Variants in PIK3C2G observed in about 807,000 individuals in gnomAD.
PIK3C2G encodes the protein phosphatidylinositol-4-phosphate 3-kinase catalytic subunit type 2 gamma.
Under a neutral mutation model 181.1 loss-of-function variants are expected in PIK3C2G, and 168 were observed. That is an observed-to-expected ratio of 0.93 (90% confidence interval 0.82 to 1.05). The LOEUF (loss-of-function observed/expected upper bound fraction) is 1.05. Ranked by LOEUF, PIK3C2G falls within the 50% of genes least tolerant of loss-of-function variation. The probability of loss-of-function intolerance (pLI) is 0.00; values close to 1 mark genes in which losing one functional copy is unlikely to be tolerated. For synonymous variants in PIK3C2G, 573 were observed against 592.2 expected, an observed-to-expected ratio of 0.97 and a Z score of 0.47; for missense variants, 1,869 against 1,732.8, an observed-to-expected ratio of 1.08 and a Z score of -1.40.
At chr12:18,308,704 T>C (rs1019097067) in intron 5 of PIK3C2G, among the ~76,000 whole-genome samples, 7 of 151,680 alleles carry the variant, frequency 4.6e-5, no homozygotes, top group African/African-American at 1.7e-4. Context: ...CAAAAAGAAT[T>C]TGTGTGGACT....
intron 8 of PIK3C2G, among the ~76,000 whole-genome samples, chr12:18,330,905 C>A (rs2137537942): frequency 6.6e-6 from 1 of 152,244 alleles, no homozygotes; most frequent in African/African-American, 2.4e-5. Context: ...AGCTTTTAAT[C>A]TTTGTGAAGT....
At chr12:18,664,891 G>C in the PIK3C2G span, among the ~76,000 whole-genome samples, 2 of 150,934 alleles carry the variant, frequency 1.3e-5, no homozygotes, top group East Asian at 3.9e-4. Flanking sequence ...ATCATTCTCA[G>C]TAAACTATCA....
At chr12:18,688,620 C>G in the PIK3C2G span, among the ~76,000 whole-genome samples, 3 of 151,016 alleles carry the variant, frequency 2.0e-5, no homozygotes, top group African/African-American at 7.3e-5. Flanking sequence ...AAAAAATGTA[C>G]CATTTAACTC....
intron 25 of PIK3C2G, among the ~76,000 whole-genome samples, chr12:18,543,946 C>A (rs1000124377): frequency 4.0e-5 from 6 of 151,810 alleles, no homozygotes; most frequent in African/African-American, 7.3e-5. Flanking sequence ...TCTAATATGA[C>A]AAACATACAT....
At chr12:18,691,111 CA>C in the PIK3C2G span, among the ~76,000 whole-genome samples, 4 of 151,958 alleles carry the variant, frequency 2.6e-5, 1 homozygote, top group South Asian at 6.2e-4. Flanking sequence ...TAGGTCAGAT[CA>C]AGAGAATGGA....
upstream of PIK3C2G, among the ~76,000 whole-genome samples, chr12:18,245,909 T>C (rs560846709): frequency 2.0e-5 from 3 of 152,264 alleles, no homozygotes; most frequent in South Asian, 4.1e-4. Flanking sequence ...AATGTTACCA[T>C]TGCCACTAGT....
intron 9 of PIK3C2G, among the ~76,000 whole-genome samples, chr12:18,340,306 T>C (rs1288139885): frequency 6.6e-6 from 1 of 152,022 alleles, no homozygotes; most frequent in Admixed American, 6.6e-5. Context: ...AATCTCATAA[T>C]GTTTTAAGGA....
intron 24 of PIK3C2G, among the ~76,000 whole-genome samples, chr12:18,516,200 T>G (rs2136161292): frequency 6.6e-6 from 1 of 151,976 alleles, no homozygotes; most frequent in East Asian, 1.9e-4. Flanking sequence ...TCTAGAAAAG[T>G]CTTTGTCTCT....
intron 18 of PIK3C2G, among the ~76,000 whole-genome samples, chr12:18,448,448 T>C (rs924340127): frequency 1.3e-5 from 2 of 152,132 alleles, no homozygotes; most frequent in African/African-American, 4.8e-5. Flanking sequence ...CAATATACAA[T>C]ACAGTGTTAT....
chr12:18,412,988 C>A (rs1443662413), intron 16 of PIK3C2G, among the ~76,000 whole-genome samples: 1 of 152,074 alleles, frequency 6.6e-6, no homozygotes, highest in Non-Finnish European at 1.5e-5. Context: ...CATTGAAGTT[C>A]CTTTGAAAAT....
chr12:18,407,678 A>C (rs1640500247), intron 16 of PIK3C2G, among the ~76,000 whole-genome samples: 1 of 152,192 alleles, frequency 6.6e-6, no homozygotes, highest in Admixed American at 6.5e-5. Context: ...CATACAACAA[A>C]AGAACCAAAC....
At chr12:18,401,674 A>C (rs1184022153) in intron 16 of PIK3C2G, among the ~76,000 whole-genome samples, 2 of 152,206 alleles carry the variant, frequency 1.3e-5, no homozygotes, top group African/African-American at 4.8e-5. Flanking sequence ...ATAGAAAGAT[A>C]AATAACCCAA....
the PIK3C2G span, chr12:18,696,331 T>C: frequency 4.4e-5 from 4 of 90,910 alleles, no homozygotes; most frequent in East Asian, 1.1e-3. Context: ...ACTATATATA[T>C]ATATATATAT....
intron 31 of PIK3C2G, among the ~76,000 whole-genome samples, chr12:18,636,711 C>T (rs1212765861): frequency 6.6e-6 from 1 of 152,170 alleles, no homozygotes; most frequent in African/African-American, 2.4e-5. Context: ...AAGATTCATC[C>T]ATATGGCCAA....
At chr12:18,614,245 A>C (rs1178127760) in intron 31 of PIK3C2G, among the ~76,000 whole-genome samples, 4 of 152,142 alleles carry the variant, frequency 2.6e-5, no homozygotes, top group African/African-American at 4.8e-5. Flanking sequence ...AAAGAATAAG[A>C]TACAAAGCAA....
At chr12:18,407,380 C>T (rs1944596932) in intron 16 of PIK3C2G, among the ~76,000 whole-genome samples, 2 of 151,956 alleles carry the variant, frequency 1.3e-5, no homozygotes, top group Non-Finnish European at 2.9e-5. Context: ...TACAGAAAAA[C>T]CTCCTTAATA....
chr12:18,481,192 C>T (rs990750094), intron 18 of PIK3C2G, among the ~76,000 whole-genome samples: 1 of 152,112 alleles, frequency 6.6e-6, no homozygotes, highest in African/African-American at 2.4e-5. Context: ...CCTAGGCCTC[C>T]CAAAATGCTA....
chr12:18,485,039 T>G (rs1000319163), intron 18 of PIK3C2G, among the ~76,000 whole-genome samples: 1 of 152,294 alleles, frequency 6.6e-6, no homozygotes, highest in African/African-American at 2.4e-5. Context: ...AGCTCAATTC[T>G]TTTCTGTTAC....
At chr12:18,525,712 A>T (rs1266360871) in intron 24 of PIK3C2G, among the ~76,000 whole-genome samples, 1 of 152,240 alleles carries the variant, frequency 6.6e-6, no homozygotes, top group East Asian at 1.9e-4. Context: ...AAATGCCACA[A>T]ATCAGAGCTT....
Sources: allele counts gnomAD v4.1 joint callset (sites outside exome capture counted in the v4.1 genomes callset), GRCh38; gene constraint gnomAD v4.1.1; transcripts MANE v1.5; gene names NCBI Gene and HGNC (gene_info 2026-07-23, HGNC 2026-07-21).